ZNF202: variants seen among roughly 807,000 people sequenced by gnomAD.
ZNF202 encodes the protein zinc finger protein 202.
In ZNF202, 22 loss-of-function variants were observed where a neutral mutation model predicts 54.5. That is an observed-to-expected ratio of 0.40 (90% CI 0.29 to 0.58). The LOEUF (loss-of-function observed/expected upper bound fraction) is 0.58. ZNF202 is among the 20% of genes least tolerant of loss of function. ZNF202 has a pLI of 0.39. For missense variants in ZNF202, 644 were observed against 805.5 expected (o/e 0.80, Z 2.43); for synonymous variants, 294 against 301.4 (o/e 0.98, Z 0.26).
At chr11:123,729,492 C>T in intron 5 of ZNF202, 123 bp downstream of exon 5, 1 of 1,218,420 alleles carries the variant, frequency 8.2e-7, no homozygotes, top group African/African-American at 1.5e-5. Flanking sequence ...ATCCTGGATT[C>T]TGTGATGTCT....
rs1487592385 is a variant in ZNF202 at position 123,726,816 on chromosome 11, T to C, written c.1128A>G (p.Gln376=). The part of the protein sequence containing the change: ...NERRFGTNIS[Q]VNSFVNLRET... ...CCCGAAGGTTCACAAAACTATTCAC[T>C]TGAGAAATATTAGTACCAAATCTTC... Residue 376 remains glutamine, a synonymous_variant, in exon 9 of 9, where the codon CAA becomes CAG. Transcript: ENST00000530393. The surrounding 1 kb of genome is among the most constrained non-coding windows in gnomAD (Gnocchi z 6.0). 1 of 1,614,232 alleles carries C rather than the reference T, an allele frequency of 6.2e-7. No homozygotes were observed. The highest frequency in any genetic ancestry group is 8.5e-7 in the Non-Finnish European group (1 of 1,180,046).
intron 3 of ZNF202, among the ~76,000 whole-genome samples, chr11:123,731,565 T>C (rs982962109): frequency 5.9e-5 from 9 of 152,234 alleles, no homozygotes; most frequent in African/African-American, 2.2e-4. Context: ...GAGCGAAAGT[T>C]CTGGAGTCAA....
chr11:123,737,284 A>C (rs770479336), intron 3 of ZNF202, among the ~76,000 whole-genome samples: 12 of 152,344 alleles, frequency 7.9e-5, no homozygotes, highest in Non-Finnish European at 1.3e-4. Flanking sequence ...CAGCACAATG[A>C]ATGAAAGGGA....
In ZNF202 at chr11:123,727,037, A is replaced by C. The variant is rs528802758; in HGVS notation, c.953-46T>G. 131 of 1,562,362 alleles carry C rather than the reference A, an allele frequency of 8.4e-5. No homozygotes were observed. In the East Asian group the frequency reaches 2.7e-3, roughly 32 times the overall value. On this transcript the variant is annotated intron_variant, in intron 8 of 8. Transcript: ENST00000530393. Reference sequence around the variant, plus strand: ...AAAAGGGGGTCACTGTAGCGGCAACAATGCCTTCTACACAATGGGGAGATT... The same window carrying C: ...AAAAGGGGGTCACTGTAGCGGCAACCATGCCTTCTACACAATGGGGAGATT...
At chr11:123,739,252 A>G (rs1398214905) in intron 3 of ZNF202, among the ~76,000 whole-genome samples, 2 of 152,182 alleles carry the variant, frequency 1.3e-5, no homozygotes, top group African/African-American at 4.8e-5. Flanking sequence ...CTTGGGGGTA[A>G]TCAAGTGGCA....
intron 1 of ZNF202, among the ~76,000 whole-genome samples, chr11:123,741,069 T>A (rs1278308125): frequency 1.3e-5 from 2 of 151,548 alleles, no homozygotes; most frequent in Non-Finnish European, 2.9e-5. Context: ...TGAGGGGGGC[T>A]TGGTGGTGTA....
intron 3 of ZNF202, among the ~76,000 whole-genome samples, chr11:123,731,239 T>C (rs1338861377): frequency 6.6e-6 from 1 of 152,178 alleles, no homozygotes; most frequent in Non-Finnish European, 1.5e-5. Context: ...ACTTCACAAA[T>C]ACTGCCAATT....
rs982384536 is a variant in ZNF202, at chr11:123,725,365, C to A, written c.*632G>T. The stretch of plus-strand genomic sequence containing the variant: ...AATTTGACGCTGGGGGAGGGAGCAG[C>A]TTGACAAGGTCCACATGAAGCAGCC... On this transcript the variant is annotated 3_prime_UTR_variant, in exon 9 of 9. Transcript: ENST00000530393. 1 of 152,234 alleles carries A rather than the reference C, an allele frequency of 6.6e-6. No homozygotes were observed. Among genetic ancestry groups the A allele is most frequent in the African/African-American group, 2.4e-5 (1 of 41,436 alleles). 9.4% of individuals were successfully genotyped at this position (152,234 alleles called of 1,614,324 possible). A position where few individuals can be genotyped will look rare whatever the true frequency, so the allele number is the denominator to read the frequency against.
chr11:123,730,849 C>T lies in ZNF202; in HGVS notation c.40G>A (p.Glu14Lys). 6.2e-7 allele frequency: 1 copy of T among 1,614,192 alleles called. No homozygotes were observed. Among genetic ancestry groups the T allele is most frequent in the Non-Finnish European group, 8.5e-7 (1 of 1,180,030 alleles). ...TTCACCATCAGAATTCCCTCTTCTT[C>T]CCAAAGATCCTGGTCCTCTGGTTCC... ...AVEPEDQDLW[E>K]EEGILMVKLE... Residue 14 changes from glutamate to lysine, a missense_variant, in exon 4 of 9, where the codon GAA becomes AAA. By Grantham distance (56) the Glu-to-Lys change is moderately conservative. Coordinates refer to ENST00000530393, the MANE Select transcript of ZNF202 (RefSeq NM_003455.4). The surrounding 1 kb of genome is among the most constrained non-coding windows in gnomAD (Gnocchi z 6.0).
rs1861380018 is a variant in ZNF202 at position 123,730,940 on chromosome 11, C to T, written c.-52G>A. 5 of 1,559,048 alleles carry T rather than the reference C, an allele frequency of 3.2e-6. No individual in the cohort carries two copies. The highest frequency in any genetic ancestry group is 4.3e-6 in the Non-Finnish European group (5 of 1,152,434). On this transcript the variant is annotated 5_prime_UTR_variant, in exon 4 of 9. Coordinates refer to ENST00000530393, the MANE Select transcript of ZNF202 (RefSeq NM_003455.4). This position sits in a 1 kb window ranked among gnomAD's most constrained non-coding sequence, Gnocchi z 6.0. ...CATCTAGAGCTCACACTGTCATTAG[C>T]CCCCCGCCTCAGCCTGGACACAGCG...
chr11:123,726,418 A>T lies in ZNF202; in HGVS notation c.1526T>A (p.Phe509Tyr). 2 of 1,614,216 alleles carry T rather than the reference A, an allele frequency of 1.2e-6. No homozygotes were observed. The highest frequency in any genetic ancestry group is 3.3e-4 in the Middle Eastern group (2 of 6,062). Reference protein sequence around the residue: ...HQRTHTGEKPFFCTICGKSFS... With the variant: ...HQRTHTGEKPYFCTICGKSFS... ...GCTTTTGCCACAAATAGTACAAAAG[A>T]AGGGTTTTTCTCCAGTATGTGTCCT... Residue 509 changes from phenylalanine to tyrosine, a missense_variant, in exon 9 of 9, where the codon TTC (phenylalanine) becomes TAC (tyrosine). Physicochemically the swap from Phe to Tyr is conservative, Grantham distance 22. Coordinates refer to ENST00000530393, the MANE Select transcript of ZNF202 (RefSeq NM_003455.4). This position sits in a 1 kb window ranked among gnomAD's most constrained non-coding sequence, Gnocchi z 6.0.
chr11:123,729,853 C>A, intron 4 of ZNF202, 28 bp from the exon 5 acceptor site: 1 of 1,568,848 alleles, frequency 6.4e-7, no homozygotes, highest in South Asian at 1.2e-5. Context: ...TTCCAGTCAC[C>A]ATGGAGTCAG....
rs754039836 is a variant in ZNF202 at position 123,730,523 on chromosome 11, C to T, written c.366G>A (p.Glu122=). 1.2e-5 allele frequency: 19 copies of T among 1,547,902 alleles called. No homozygotes were observed. The highest frequency in any genetic ancestry group is 1.7e-5 in the Non-Finnish European group (19 of 1,149,942). The stretch of plus-strand genomic sequence containing the variant: ...GTCTCCTGGGTTGTTTCTGCAAACC[C>T]TCCACCAGCGTCACTGCCTCCTCGC... ...ESGEEAVTLV[E]GLQKQPRRPR... Residue 122 remains glutamate, a synonymous_variant, in exon 4 of 9, where the codon GAG becomes GAA. Coordinates refer to ENST00000530393, the MANE Select transcript of ZNF202 (RefSeq NM_003455.4). This position sits in a 1 kb window ranked among gnomAD's most constrained non-coding sequence, Gnocchi z 6.0.
chr11:123,726,338 G>A lies in ZNF202; in HGVS notation c.1606C>T (p.Pro536Ser). ...THQRIHLGGK[P>S]YLCGECGEDF... ...TCACCACACTCTCCACACAAGTAGG[G>A]TTTGCCTCCCAGGTGGATTCTTTGG... Residue 536 changes from proline to serine, a missense_variant, in exon 9 of 9, where the codon CCC (proline) becomes TCC (serine). Pro to Ser is a moderately conservative substitution (Grantham distance 74). This residue lies in a region of ZNF202 where 536 missense variants were observed against 635.3 expected (regional missense o/e 0.84). Transcript: ENST00000530393. This position sits in a 1 kb window ranked among gnomAD's most constrained non-coding sequence, Gnocchi z 6.0. The A allele has an allele frequency of 2.5e-6, 4 of 1,614,238 alleles. No homozygotes were observed. Among genetic ancestry groups the A allele is most frequent in the Non-Finnish European group, 3.4e-6 (4 of 1,180,056 alleles).
chr11:123,732,056 T>C (rs1271470040), intron 3 of ZNF202, among the ~76,000 whole-genome samples: 2 of 152,206 alleles, frequency 1.3e-5, no homozygotes, highest in African/African-American at 2.4e-5. Flanking sequence ...CTGCACAGGC[T>C]ACTCTCCACC....
chr11:123,733,611 G>A (rs957382517), intron 3 of ZNF202, among the ~76,000 whole-genome samples: 1 of 152,116 alleles, frequency 6.6e-6, no homozygotes. Context: ...AGGCTGGAGT[G>A]CAGTAGTACA....
At position 123,729,664 on chromosome 11, in the gene ZNF202, T is replaced by C. The variant is rs773383934; in HGVS notation, c.564A>G (p.Ala188=). The C allele has an allele frequency of 1.9e-6, 3 of 1,611,584 alleles. No homozygotes were observed. The South Asian group carries it at 3.3e-5, about 18-fold the overall frequency. The part of the protein sequence containing the change: ...TTQSPDLGAP[A]EQRPHQEEEL... The stretch of plus-strand genomic sequence containing the variant: ...CCTCTTCCTGGTGTGGACGCTGCTC[T>C]GCCGGTGCCCCCAGATCTGGGCTCT... The change falls in exon 5 of 9, where the codon GCA becomes GCG. Residue 188 remains alanine (A), a synonymous_variant. Transcript: ENST00000530393.
At chr11:123,737,387 GT>G (rs1428530758) in intron 3 of ZNF202, among the ~76,000 whole-genome samples, 10 of 152,112 alleles carry the variant, frequency 6.6e-5, no homozygotes, top group Non-Finnish European at 1.5e-4. Context: ...TGCCACCTAA[GT>G]TTCCCCCCCG....
rs1861062278 is a variant in ZNF202 at position 123,724,964 on chromosome 11, T to C, written c.*1033A>G. ...CTTAGTCGTTCTCCAGTTGTCTTCA[T>C]GTAAATAAAGTGGCCCATGGCAATC... On this transcript the variant is annotated 3_prime_UTR_variant, in exon 9 of 9. Transcript: ENST00000530393. The C allele has an allele frequency of 6.6e-6, 1 of 152,246 alleles. No individual in the cohort carries two copies. Among genetic ancestry groups the C allele is most frequent in the Non-Finnish European group, 1.5e-5 (1 of 68,046 alleles). The allele number at this position is 152,246 out of a possible 1,614,324, so 9.4% of individuals were successfully genotyped here.
Sources: allele counts gnomAD v4.1 joint callset (sites outside exome capture counted in the v4.1 genomes callset), GRCh38; gene constraint gnomAD v4.1.1; regional missense constraint gnomAD v4.1.1; non-coding constraint Gnocchi (gnomAD v3.1); transcripts MANE v1.5; gene names NCBI Gene and HGNC (gene_info 2026-07-23, HGNC 2026-07-21).